LRP1B: variants seen among roughly 807,000 people sequenced by gnomAD.
The protein encoded by LRP1B is low-density lipoprotein receptor-related protein 1B.
In LRP1B, 217 loss-of-function variants were observed where a neutral mutation model predicts 556.6. That is an observed-to-expected ratio of 0.39 (90% confidence interval 0.35 to 0.44). The LOEUF is 0.44. Ranked by LOEUF, LRP1B falls within the 20% of genes least tolerant of loss-of-function variation. LRP1B has a pLI of 1.00. For missense variants in LRP1B, 5,053 were observed against 5,620.8 expected (o/e 0.90, Z 3.23); for synonymous variants, 2,047 against 1,865.8 (o/e 1.10, Z -2.50).
rs200449026 is a variant in LRP1B, at chr2:140,534,090, T to G, written c.7693A>C (p.Ile2565Leu). The change falls in exon 47 of 91, where the codon ATT becomes CTT. Residue 2565 changes from isoleucine (I) to leucine (L), a missense_variant. Physicochemically the swap from Ile to Leu is conservative, Grantham distance 5. Around this residue, in one of 5 missense-constraint regions of LRP1B, gnomAD observed 3,619 missense variants for 3,931.9 expected, o/e 0.92. Coordinates refer to ENST00000389484, the MANE Select transcript of LRP1B (RefSeq NM_018557.3). ...CCATCACATAACTTGCCATGAGGAA[T>G]GCAGCGGCGATTATAGCATGGCTTG... is the stretch of plus-strand genomic sequence containing the variant. The part of the protein sequence containing the change: ...GFKPCYNRRC[I>L]PHGKLCDGEN... 1.5e-5 allele frequency: 24 copies of G among 1,613,448 alleles called. No individual in the cohort carries two copies. Among genetic ancestry groups the G allele is most frequent in the Non-Finnish European group, 2.0e-5 (24 of 1,179,540 alleles).
At chr2:140,495,780 A>T in intron 55 of LRP1B, 32 bp from the exon 56 acceptor site, 1 of 1,549,052 alleles carries the variant, frequency 6.5e-7, no homozygotes, top group Non-Finnish European at 8.9e-7. Context: ...TAATCAATTC[A>T]TATCATTGTC....
At chr2:141,705,850 G>T (rs1692116671) in intron 2 of LRP1B, among the ~76,000 whole-genome samples, 1 of 151,924 alleles carries the variant, frequency 6.6e-6, no homozygotes, top group Admixed American at 6.6e-5. Context: ...TAGTTCCCCT[G>T]AGCTAATCAT....
intron 1 of LRP1B, among the ~76,000 whole-genome samples, chr2:141,873,189 C>G (rs1698645035): frequency 6.6e-6 from 1 of 151,902 alleles, no homozygotes; most frequent in South Asian, 2.1e-4. Context: ...GGCACAGTGG[C>G]TTACACCTGT....
chr2:141,207,886 G>C (rs76048801), intron 6 of LRP1B, among the ~76,000 whole-genome samples: 4 of 152,136 alleles, frequency 2.6e-5, no homozygotes, highest in African/African-American at 9.7e-5. Flanking sequence ...ATTTTGACCA[G>C]GCTGATCTTG....
intron 14 of LRP1B, among the ~76,000 whole-genome samples, chr2:141,006,221 T>C (rs1231649142): frequency 6.6e-6 from 1 of 152,084 alleles, no homozygotes; most frequent in Non-Finnish European, 1.5e-5. Context: ...AAACGTAATG[T>C]ATAGTAATCA....
intron 19 of LRP1B, 42 bp downstream of exon 19, chr2:140,951,818 C>A: frequency 6.7e-7 from 1 of 1,495,410 alleles, no homozygotes. Flanking sequence ...CCGCCAAGCC[C>A]CCGATCAAAT....
At chr2:141,103,992 T>C (rs935149267) in intron 7 of LRP1B, among the ~76,000 whole-genome samples, 2 of 152,188 alleles carry the variant, frequency 1.3e-5, no homozygotes, top group East Asian at 1.9e-4. Flanking sequence ...TTTTTATTTT[T>C]TGTTTAGTTT....
At chr2:141,233,643 G>T (rs1683550654) in intron 5 of LRP1B, among the ~76,000 whole-genome samples, 1 of 152,004 alleles carries the variant, frequency 6.6e-6, no homozygotes, top group South Asian at 2.1e-4. Flanking sequence ...TACTAAAAGT[G>T]GATTTATTTA....
chr2:141,114,099 G>T (rs1268398993), intron 7 of LRP1B, among the ~76,000 whole-genome samples: 3 of 152,248 alleles, frequency 2.0e-5, no homozygotes, highest in Non-Finnish European at 4.4e-5. Context: ...TTGCCACAGG[G>T]GTGTGGCTCG....
At position 141,485,150 on chromosome 2, in the gene LRP1B, G is replaced by A. The variant is rs569485062; in HGVS notation, c.206-4617C>T. ...AGGGACAAGAGAGAAATTAGTCTGG[G>A]AGAACTAAAGAGTTAGTTGGTTTCT... On this transcript the variant is annotated intron_variant, in intron 2 of 90. Coordinates refer to ENST00000389484, the MANE Select transcript of LRP1B (RefSeq NM_018557.3). Among the ~76,000 whole-genome samples, 13 of 152,200 alleles carry A rather than the reference G, an allele frequency of 8.5e-5. No individual in the cohort carries two copies. In the South Asian group the frequency reaches 2.5e-3, roughly 29 times the overall value.
intron 66 of LRP1B, among the ~76,000 whole-genome samples, chr2:140,411,904 A>G (rs2105248641): frequency 6.6e-6 from 1 of 152,208 alleles, no homozygotes; most frequent in East Asian, 1.9e-4. Flanking sequence ...GAATCCTGTA[A>G]ATTAATTAAA....
chr2:141,076,175 G>A (rs1157440635), intron 7 of LRP1B, among the ~76,000 whole-genome samples: 4 of 152,134 alleles, frequency 2.6e-5, no homozygotes, highest in Non-Finnish European at 4.4e-5. Flanking sequence ...CTCAAGTTAA[G>A]TGTTTAAGAC....
intron 23 of LRP1B, among the ~76,000 whole-genome samples, chr2:140,887,716 A>G (rs1693680535): frequency 6.6e-6 from 1 of 152,212 alleles, no homozygotes; most frequent in Admixed American, 6.5e-5. Context: ...TAGATATATT[A>G]TTCATCAATA....
intron 2 of LRP1B, among the ~76,000 whole-genome samples, chr2:141,695,351 C>T (rs1402596881): frequency 6.6e-6 from 1 of 151,912 alleles, no homozygotes. Flanking sequence ...TCCTGGTAAC[C>T]TAACATGGAA....
At chr2:140,344,356 A>T (rs1289371550) in intron 77 of LRP1B, among the ~76,000 whole-genome samples, 1 of 151,838 alleles carries the variant, frequency 6.6e-6, no homozygotes, top group African/African-American at 2.4e-5. Context: ...AAGCTAACAT[A>T]AAGTAGCCAA....
At chr2:142,088,798 A>C (rs1706046468) in intron 1 of LRP1B, among the ~76,000 whole-genome samples, 1 of 151,848 alleles carries the variant, frequency 6.6e-6, no homozygotes, top group African/African-American at 2.4e-5. Context: ...ACACAGTGAA[A>C]CCCCGTCTCT....
At chr2:141,545,407 G>A (rs557882016) in intron 2 of LRP1B, among the ~76,000 whole-genome samples, 26 of 152,286 alleles carry the variant, frequency 1.7e-4, no homozygotes, top group Non-Finnish European at 2.8e-4. Context: ...CTTCAAAGAT[G>A]TCCATGTCTT....
At chr2:141,392,509 T>C (rs1690091085) in intron 3 of LRP1B, among the ~76,000 whole-genome samples, 1 of 138,972 alleles carries the variant, frequency 7.2e-6, no homozygotes, top group African/African-American at 2.6e-5. Flanking sequence ...TAAAACAGAA[T>C]GCATGGGGCA....
chr2:141,774,944 CT>C (rs1385606316), intron 2 of LRP1B, among the ~76,000 whole-genome samples: 8 of 152,182 alleles, frequency 5.3e-5, no homozygotes, highest in African/African-American at 1.9e-4. Flanking sequence ...GATACATATT[CT>C]TTTCCAATTC....
Sources: allele counts gnomAD v4.1 joint callset (sites outside exome capture counted in the v4.1 genomes callset), GRCh38; gene constraint gnomAD v4.1.1; regional missense constraint gnomAD v4.1.1; transcripts MANE v1.5; gene names NCBI Gene and HGNC (gene_info 2026-07-23, HGNC 2026-07-21).